The following MACROD2 variants were observed in gnomAD, a reference collection of about 807,000 sequenced individuals.
The protein encoded by MACROD2 is mono-ADP ribosylhydrolase 2.
MACROD2 carries 36 observed loss-of-function variants against 70.4 expected under a neutral mutation model. The observed-to-expected ratio is 0.51, with a 90% CI of 0.39 to 0.68. MACROD2 has a LOEUF of 0.68. MACROD2 is among the 30% of genes least tolerant of loss of function. MACROD2 has a pLI of 0.00. For synonymous variants in MACROD2, 172 were observed against 178.8 expected (o/e 0.96, Z 0.30); for missense variants, 496 against 538.4 (o/e 0.92, Z 0.78).
chr20:14,495,483 G>A (rs1797125763), intron 4 of MACROD2, among the ~76,000 whole-genome samples: 1 of 152,172 alleles, frequency 6.6e-6, no homozygotes, highest in African/African-American at 2.4e-5. Context: ...CTAGCATGTA[G>A]TCTTTTATTC....
chr20:15,059,436 T>G (rs745533378), intron 5 of MACROD2, among the ~76,000 whole-genome samples: 6 of 152,058 alleles, frequency 3.9e-5, no homozygotes, highest in Non-Finnish European at 7.4e-5. Flanking sequence ...TGGATGCACA[T>G]TATGATTAAG....
intron 5 of MACROD2, among the ~76,000 whole-genome samples, chr20:15,119,006 G>A (rs947608440): frequency 1.3e-5 from 2 of 152,212 alleles, no homozygotes; most frequent in African/African-American, 4.8e-5. Context: ...CATGAAGCAT[G>A]TATGTATGTG....
intron 3 of MACROD2, among the ~76,000 whole-genome samples, chr20:14,305,285 C>T (rs1475954749): frequency 6.6e-6 from 1 of 152,078 alleles, no homozygotes; most frequent in Non-Finnish European, 1.5e-5. Flanking sequence ...CAGAATGTAT[C>T]ATTTATTTAC....
At chr20:14,651,804 C>T (rs534950309) in intron 4 of MACROD2, among the ~76,000 whole-genome samples, 56 of 152,222 alleles carry the variant, frequency 3.7e-4, no homozygotes, top group Admixed American at 1.0e-3. Context: ...TGGGGACTGC[C>T]GACCAGTGTC....
chr20:14,251,131 T>A (rs1555773726), intron 3 of MACROD2, among the ~76,000 whole-genome samples: 1 of 152,178 alleles, frequency 6.6e-6, no homozygotes, highest in Non-Finnish European at 1.5e-5. Context: ...AGGACCTATG[T>A]ACTATCAGAT....
intron 5 of MACROD2, among the ~76,000 whole-genome samples, chr20:14,731,009 A>ACACACACACACG (rs1555822607): frequency 1.9e-5 from 2 of 106,794 alleles, no homozygotes; most frequent in African/African-American, 6.9e-5. Context: ...ACACACACAC[A>ACACACACACACG]TGCACACACA....
intron 3 of MACROD2, among the ~76,000 whole-genome samples, chr20:14,246,682 T>C (rs2081970534): frequency 6.6e-6 from 1 of 152,212 alleles, no homozygotes; most frequent in Non-Finnish European, 1.5e-5. Flanking sequence ...TTATTTACTC[T>C]GGTTCTTACC....
At chr20:15,834,813 G>A (rs927241874) in intron 8 of MACROD2, among the ~76,000 whole-genome samples, 1 of 152,100 alleles carries the variant, frequency 6.6e-6, no homozygotes, top group African/African-American at 2.4e-5. Context: ...TTTTGTGGTA[G>A]CCAGCCTTAA....
At chr20:15,600,425 G>A (rs183298342) in intron 8 of MACROD2, among the ~76,000 whole-genome samples, 33 of 152,118 alleles carry the variant, frequency 2.2e-4, no homozygotes, top group Non-Finnish European at 3.8e-4. Flanking sequence ...TCTTTTAATC[G>A]TTTTCTTATG....
intron 6 of MACROD2, among the ~76,000 whole-genome samples, chr20:15,410,504 G>T (rs1422258032): frequency 2.6e-5 from 4 of 152,060 alleles, no homozygotes; most frequent in Non-Finnish European, 4.4e-5. Flanking sequence ...ACAACTTTCA[G>T]CTCCATCAAC....
At chr20:15,361,144 C>A (rs752840554) in intron 6 of MACROD2, among the ~76,000 whole-genome samples, 2 of 152,010 alleles carry the variant, frequency 1.3e-5, no homozygotes, top group Non-Finnish European at 2.9e-5. Context: ...AGCTCTATAC[C>A]TTGATACTTT....
chr20:14,919,782 G>A (rs528162622), intron 5 of MACROD2, among the ~76,000 whole-genome samples: 38 of 152,296 alleles, frequency 2.5e-4, no homozygotes, highest in African/African-American at 7.9e-4. Flanking sequence ...CAGATAGGGA[G>A]GAAGAAACGT....
rs550022783 is a variant in MACROD2, at chr20:14,120,387, G to A, written c.271+34659G>A. On this transcript the variant is annotated intron_variant, in intron 3 of 17. Transcript: ENST00000684519. ...TCAGGAAACAAAAGATGCTGGCAAG[G>A]CTGTGGAGAGATAGGAACACTTTTA... Among the ~76,000 whole-genome samples, 71 of 152,110 alleles carry A rather than the reference G, an allele frequency of 4.7e-4. 1 individual carries two copies. Among genetic ancestry groups the A allele is most frequent in the Middle Eastern group, 3.4e-3 (1 of 294 alleles).
At chr20:15,101,914 A>G (rs551858915) in intron 5 of MACROD2, among the ~76,000 whole-genome samples, 1 of 152,146 alleles carries the variant, frequency 6.6e-6, no homozygotes. Context: ...CCCTTAAGCA[A>G]CTTGTGTTTA....
At chr20:15,663,813 A>G (rs1044798129) in intron 8 of MACROD2, among the ~76,000 whole-genome samples, 7 of 152,176 alleles carry the variant, frequency 4.6e-5, no homozygotes, top group African/African-American at 9.6e-5. Context: ...GCTAATACCA[A>G]TGGGCCTTTT....
chr20:14,866,029 TTTAATGCAGTTTGA>T (rs760110855), intron 5 of MACROD2, among the ~76,000 whole-genome samples: 6 of 152,140 alleles, frequency 3.9e-5, no homozygotes, highest in Non-Finnish European at 7.4e-5. Context: ...CTGACTCCCC[TTTAATGCAGTTTGA>T]TTAATCTTTG....
At chr20:14,697,638 T>C (rs1008354868) in intron 5 of MACROD2, among the ~76,000 whole-genome samples, 1 of 152,202 alleles carries the variant, frequency 6.6e-6, no homozygotes, top group Non-Finnish European at 1.5e-5. Flanking sequence ...TTTCCTCCCA[T>C]ATTCTCATTT....
At chr20:14,770,349 A>G (rs542990467) in intron 5 of MACROD2, among the ~76,000 whole-genome samples, 1 of 152,152 alleles carries the variant, frequency 6.6e-6, no homozygotes, top group South Asian at 2.1e-4. Flanking sequence ...GGTGGTAGAA[A>G]TTGACCATTC....
chr20:15,831,771 G>C (rs1488467405), intron 8 of MACROD2, among the ~76,000 whole-genome samples: 1 of 152,136 alleles, frequency 6.6e-6, no homozygotes, highest in Non-Finnish European at 1.5e-5. Context: ...TCACTCCTCA[G>C]ACTCTGCCTC....
Sources: gnomAD v4.1 joint callset for allele counts (sites outside exome capture counted in the v4.1 genomes callset) on GRCh38, gnomAD v4.1.1 for gene constraint, MANE v1.5 for transcripts, NCBI Gene and HGNC (gene_info 2026-07-23, HGNC 2026-07-21) for gene names.